The following BMPR1A variants were observed in gnomAD, a reference collection of about 807,000 sequenced individuals.
The protein encoded by BMPR1A is bone morphogenetic protein receptor type 1A.
BMPR1A carries 7 observed loss-of-function variants against 66.0 expected under a neutral mutation model. That is an observed-to-expected ratio of 0.11 (90% CI 0.06 to 0.20). The LOEUF (loss-of-function observed/expected upper bound fraction) is 0.20. BMPR1A is among the 10% of genes least tolerant of loss of function. The probability of loss-of-function intolerance (pLI) is 1.00; values close to 1 mark genes in which losing one functional copy is unlikely to be tolerated. For missense variants in BMPR1A, 408 were observed against 669.1 expected, an observed-to-expected ratio of 0.61 and a Z score of 4.31; for synonymous variants, 200 against 229.7, an observed-to-expected ratio of 0.87 and a Z score of 1.17.
intron 1 of BMPR1A, among the ~76,000 whole-genome samples, chr10:86,837,642 T>G (rs879752668): frequency 2.6e-5 from 4 of 152,222 alleles, no homozygotes; most frequent in Non-Finnish European, 4.4e-5. Flanking sequence ...TCTTTATTTT[T>G]GCCTTCCCTC....
chr10:86,777,240 A>G (rs1035510864), intron 1 of BMPR1A, among the ~76,000 whole-genome samples: 1 of 152,104 alleles, frequency 6.6e-6, no homozygotes, highest in Non-Finnish European at 1.5e-5. Context: ...GTTAAATCCA[A>G]CTGTGCCTAC....
At chr10:86,788,489 G>T (rs1329621917) in intron 1 of BMPR1A, among the ~76,000 whole-genome samples, 1 of 152,224 alleles carries the variant, frequency 6.6e-6, no homozygotes, top group Non-Finnish European at 1.5e-5. Flanking sequence ...AGTGGAAACA[G>T]ACTCCTAGAG....
At chr10:86,785,259 G>C (rs1212539098) in intron 1 of BMPR1A, among the ~76,000 whole-genome samples, 1 of 152,184 alleles carries the variant, frequency 6.6e-6, no homozygotes, top group African/African-American at 2.4e-5. Context: ...TGTTGCATGT[G>C]TACTTGAGAA....
chr10:86,776,236 A>T (rs184597779), intron 1 of BMPR1A, among the ~76,000 whole-genome samples: 55 of 152,310 alleles, frequency 3.6e-4, no homozygotes, highest in Admixed American at 5.9e-4. Context: ...GGTGAGTATA[A>T]CAACTGCCCT....
intron 2 of BMPR1A, among the ~76,000 whole-genome samples, chr10:86,874,376 A>G (rs1311863793): frequency 2.0e-5 from 3 of 152,040 alleles, no homozygotes; most frequent in African/African-American, 7.2e-5. Context: ...TCTTTAAGAT[A>G]CTGCTTTTTT....
At chr10:86,799,114 GT>G (rs532891183) in intron 1 of BMPR1A, among the ~76,000 whole-genome samples, 1 of 152,096 alleles carries the variant, frequency 6.6e-6, no homozygotes, top group Non-Finnish European at 1.5e-5. Flanking sequence ...AGTTTTAGCT[GT>G]TTTTTTCAAA....
intron 2 of BMPR1A, among the ~76,000 whole-genome samples, chr10:86,860,099 T>C (rs1465005268): frequency 6.6e-6 from 1 of 151,432 alleles, no homozygotes; most frequent in South Asian, 2.1e-4. Context: ...TGATTGCACC[T>C]GTGAATAGCT....
intron 1 of BMPR1A, among the ~76,000 whole-genome samples, chr10:86,829,254 AAAAG>A (rs1324248801): frequency 6.6e-6 from 1 of 152,288 alleles, no homozygotes; most frequent in African/African-American, 2.4e-5. Context: ...ACACCTACAT[AAAAG>A]AAAGATAATT....
At chr10:86,885,294 A>G (rs1211572976) in intron 3 of BMPR1A, among the ~76,000 whole-genome samples, 3 of 152,262 alleles carry the variant, frequency 2.0e-5, no homozygotes, top group South Asian at 2.1e-4. Flanking sequence ...TTTATTATCC[A>G]TAAGTAATTT....
rs144921658 is a variant in BMPR1A, at chr10:86,759,344, C to T, written c.-268+2425C>T. 9.2e-5 allele frequency among the ~76,000 whole-genome samples: 14 copies of T among 152,328 alleles called. No individual in the cohort carries two copies. The East Asian group carries it at 2.5e-3, about 27-fold the overall frequency. On this transcript the variant is annotated intron_variant, in intron 1 of 12. Transcript: ENST00000372037. ...TCTCTAGTCCCTTAGAATGATTGTT[C>T]AGACCTTTCTGTTGGAATAATTCTC...
chr10:86,900,098 A>G lies in BMPR1A; in HGVS notation c.502A>G (p.Ile168Val). The change falls in exon 7 of 13, where the codon ATC (isoleucine) becomes GTC (valine). Residue 168 changes from isoleucine to valine, a missense_variant. By Grantham distance (29) the Ile-to-Val change is conservative. Coordinates refer to ENST00000372037, the MANE Select transcript of BMPR1A (RefSeq NM_004329.3). The stretch of plus-strand genomic sequence containing the variant: ...TATGGCTGTCTGCATAATTGCTATG[A>G]TCATCTTCTCCAGCTGCTTTTGTTA... The part of the protein sequence containing the change: ...ISMAVCIIAM[I>V]IFSSCFCYKH... The G allele has an allele frequency of 6.2e-7, 1 of 1,613,958 alleles. No individual in the cohort carries two copies. Among genetic ancestry groups the G allele is most frequent in the South Asian group, 1.1e-5 (1 of 91,084 alleles).
intron 1 of BMPR1A, among the ~76,000 whole-genome samples, chr10:86,830,924 C>T (rs367746197): frequency 6.6e-6 from 1 of 151,984 alleles, no homozygotes. Context: ...CAGACGGCCA[C>T]GAATCTACTC....
At chr10:86,845,859 T>C (rs1382111207) in intron 2 of BMPR1A, among the ~76,000 whole-genome samples, 1 of 151,772 alleles carries the variant, frequency 6.6e-6, no homozygotes, top group Non-Finnish European at 1.5e-5. Context: ...TAGCCGGGTG[T>C]GATGGCGGGC....
intron 1 of BMPR1A, among the ~76,000 whole-genome samples, chr10:86,822,593 T>C (rs1311496148): frequency 2.0e-5 from 3 of 151,850 alleles, no homozygotes; most frequent in Non-Finnish European, 4.4e-5. Flanking sequence ...GGTTACTTAA[T>C]CACTATGAGC....
chr10:86,898,466 C>T (rs117325753), intron 5 of BMPR1A, among the ~76,000 whole-genome samples: 194 of 152,218 alleles, frequency 1.3e-3, no homozygotes, highest in South Asian at 2.3e-3. Context: ...GGAATACAAA[C>T]GCATCGTAAG....
At chr10:86,822,125 G>A (rs1439381650) in intron 1 of BMPR1A, among the ~76,000 whole-genome samples, 1 of 152,074 alleles carries the variant, frequency 6.6e-6, no homozygotes, top group East Asian at 1.9e-4. Flanking sequence ...AGCATGCCTG[G>A]CCTCACAGAT....
chr10:86,913,565 G>A (rs1178762405), intron 8 of BMPR1A, among the ~76,000 whole-genome samples: 1 of 152,114 alleles, frequency 6.6e-6, no homozygotes, highest in Non-Finnish European at 1.5e-5. Context: ...AACTACTGCA[G>A]CCAGTAAATG....
chr10:86,759,659 A>G (rs1318310289), intron 1 of BMPR1A, among the ~76,000 whole-genome samples: 1 of 152,146 alleles, frequency 6.6e-6, no homozygotes, highest in Non-Finnish European at 1.5e-5. Flanking sequence ...CTGAATTCAT[A>G]TTGGTGTGAA....
chr10:86,791,316 A>C (rs1274690727), intron 1 of BMPR1A, among the ~76,000 whole-genome samples: 1 of 151,228 alleles, frequency 6.6e-6, no homozygotes, highest in Non-Finnish European at 1.5e-5. Context: ...GGGTTCAAGC[A>C]ATTCTTCTGC....
Sources: gnomAD v4.1 joint callset for allele counts (sites outside exome capture counted in the v4.1 genomes callset) on GRCh38, gnomAD v4.1.1 for gene constraint, MANE v1.5 for transcripts, NCBI Gene and HGNC (gene_info 2026-07-23, HGNC 2026-07-21) for gene names.